Variants in CERKL observed in about 807,000 individuals in gnomAD.
CERKL encodes the protein ceramide kinase-like protein.
Under a neutral mutation model 63.4 loss-of-function variants are expected in CERKL, and 61 were observed. That is an observed-to-expected ratio of 0.96 (90% CI 0.78 to 1.19). The LOEUF is 1.19. CERKL is among the 50% of genes most tolerant of loss of function. The pLI is 0.00. For synonymous variants in CERKL, 250 were observed against 230.5 expected (o/e 1.08, Z -0.77); for missense variants, 675 against 655.5 (o/e 1.03, Z -0.33).
In CERKL at chr2:181,637,820, T is replaced by C. The variant is rs564107638; in HGVS notation, c.238+18949A>G. 2.0e-5 allele frequency among the ~76,000 whole-genome samples: 3 copies of C among 152,194 alleles called. No homozygotes were observed. In the South Asian group the frequency reaches 6.2e-4, roughly 32 times the overall value. On this transcript the variant is annotated intron_variant, in intron 1 of 12. Transcript: ENST00000410087. ...ACAATAATACAAAAAACAAATAAGT[T>C]GGGGGTATAACTTCACAGATATGAA...
At chr2:181,590,140 A>G (rs986937368) in intron 2 of CERKL, among the ~76,000 whole-genome samples, 3 of 151,172 alleles carry the variant, frequency 2.0e-5, no homozygotes, top group Admixed American at 6.6e-5. Context: ...TTTTGTTTAT[A>G]TATTTATTTA....
chr2:181,588,715 G>C (rs1192219761), intron 2 of CERKL, among the ~76,000 whole-genome samples: 1 of 152,036 alleles, frequency 6.6e-6, no homozygotes, highest in East Asian at 1.9e-4. Flanking sequence ...CTAACAGTGG[G>C]CTAGAGTTCC....
chr2:181,548,230 G>GA (rs202149024), intron 8 of CERKL: 8,998 of 485,402 alleles, frequency 0.019, 171 homozygotes, highest in Non-Finnish European at 0.022. Flanking sequence ...GCACTCAAAA[G>GA]AAAAGGGAAA....
intron 1 of CERKL, chr2:181,650,104 AGGG>A (rs1687849247): frequency 3.6e-4 from 21 of 58,864 alleles, no homozygotes; most frequent in African/African-American, 1.6e-3. Flanking sequence ...GGAGGGAGGG[AGGG>A]AGGGAGGAAG....
chr2:181,584,951 C>G (rs1394390680), intron 2 of CERKL, among the ~76,000 whole-genome samples: 1 of 151,688 alleles, frequency 6.6e-6, no homozygotes, highest in Admixed American at 6.6e-5. Context: ...TTGAACATGA[C>G]TTTCTTGCTC....
In CERKL at chr2:181,657,041, CG is replaced by C; in HGVS notation, c.-36del. ...GCAGGCTGGGCCCGAGCCAGGGGTC[CG>C]GGGAGGCCTTTGGAGAAGGAGGTGG... On this transcript the variant is annotated 5_prime_UTR_variant, in exon 1 of 13. Transcript: ENST00000410087. The C allele has an allele frequency of 6.5e-7, 1 of 1,543,836 alleles. No individual in the cohort carries two copies.
At chr2:181,591,098 G>A (rs955660131) in intron 2 of CERKL, among the ~76,000 whole-genome samples, 29 of 152,166 alleles carry the variant, frequency 1.9e-4, no homozygotes, top group Non-Finnish European at 1.9e-4. Flanking sequence ...TCTGTGACAC[G>A]ATATGGAGTG....
At chr2:181,641,320 T>C (rs201888027) in intron 1 of CERKL, among the ~76,000 whole-genome samples, 2 of 10,040 alleles carry the variant, frequency 2.0e-4, no homozygotes, top group African/African-American at 2.9e-4. Flanking sequence ...TATATATATA[T>C]ATATATATAT....
At chr2:181,538,983 T>A in intron 12 of CERKL, 109 bp downstream of exon 12, 1 of 854,878 alleles carries the variant, frequency 1.2e-6, no homozygotes, top group East Asian at 2.5e-5. Flanking sequence ...ACTGATTTTT[T>A]AAAAACTAAC....
rs562239011 is a variant in CERKL, at chr2:181,623,696, C to T, written c.239-19617G>A. ...AATAAGGGAGCATGCTGTGTAGGTACGGGTCTAGAATCTCTCATCTGCAAT... is the reference window on the plus strand; with the variant it reads ...AATAAGGGAGCATGCTGTGTAGGTATGGGTCTAGAATCTCTCATCTGCAAT... On this transcript the variant is annotated intron_variant, in intron 1 of 12. Transcript: ENST00000410087. Among the ~76,000 whole-genome samples the T allele has an allele frequency of 5.3e-5, 8 of 152,162 alleles. No homozygotes were observed. The East Asian group carries it at 7.7e-4, about 15-fold the overall frequency.
chr2:181,638,904 G>GA (rs1687299573), intron 1 of CERKL, among the ~76,000 whole-genome samples: 1 of 152,134 alleles, frequency 6.6e-6, no homozygotes, highest in Non-Finnish European at 1.5e-5. Flanking sequence ...GTATCAGAGT[G>GA]ATGGCCATCC....
At chr2:181,653,486 G>A (rs1574073373) in intron 1 of CERKL, among the ~76,000 whole-genome samples, 1 of 152,162 alleles carries the variant, frequency 6.6e-6, no homozygotes, top group East Asian at 1.9e-4. Flanking sequence ...ATTCACAATG[G>A]CCAAGATATG....
At chr2:181,579,296 A>G (rs1453300483) in intron 2 of CERKL, among the ~76,000 whole-genome samples, 4 of 151,982 alleles carry the variant, frequency 2.6e-5, no homozygotes, top group Non-Finnish European at 5.9e-5. Flanking sequence ...ATAAACATAA[A>G]CCCACAGTAT....
At position 181,558,316 on chromosome 2, in the gene CERKL, C is replaced by T. The variant is rs1402435749; in HGVS notation, c.820+250G>A. On this transcript the variant is annotated intron_variant, in intron 5 of 12. Transcript: ENST00000410087. This position sits in a 1 kb window ranked among gnomAD's most constrained non-coding sequence, Gnocchi z 4.2. ...ATATTAAACCCTTTACTAAACCAAA[C>T]GTTAGTACTACAATAACCTTGTAAT... Among the ~76,000 whole-genome samples, 4 of 152,012 alleles carry T rather than the reference C, an allele frequency of 2.6e-5. No homozygotes were observed. The highest frequency in any genetic ancestry group is 4.4e-5 in the Non-Finnish European group (3 of 68,006).
intron 1 of CERKL, among the ~76,000 whole-genome samples, chr2:181,609,808 A>C (rs1355666689): frequency 1.3e-5 from 2 of 152,188 alleles, no homozygotes; most frequent in East Asian, 3.8e-4. Context: ...AGAAATGAAT[A>C]GATCAGGAAA....
intron 2 of CERKL, among the ~76,000 whole-genome samples, chr2:181,590,646 T>C (rs1684954167): frequency 6.6e-6 from 1 of 152,090 alleles, no homozygotes; most frequent in African/African-American, 2.4e-5. Flanking sequence ...TCACAAGATA[T>C]TAAGAATAGC....
chr2:181,578,589 T>C (rs1684361699), intron 2 of CERKL, among the ~76,000 whole-genome samples: 1 of 151,994 alleles, frequency 6.6e-6, no homozygotes, highest in Non-Finnish European at 1.5e-5. Context: ...TGAACCACCA[T>C]GTTTGTCCTT....
chr2:181,581,165 T>C (rs564480076), intron 2 of CERKL, among the ~76,000 whole-genome samples: 1 of 152,334 alleles, frequency 6.6e-6, no homozygotes, highest in East Asian at 1.9e-4. Context: ...GTTTCAGTTA[T>C]ACAGTTCAGT....
chr2:181,545,811 TA>T (rs1687703420), intron 10 of CERKL, among the ~76,000 whole-genome samples: 2 of 152,148 alleles, frequency 1.3e-5, no homozygotes, highest in South Asian at 2.1e-4. Flanking sequence ...TTATAAACAT[TA>T]AAAGCACTAT....
Sources: allele counts gnomAD v4.1 joint callset (sites outside exome capture counted in the v4.1 genomes callset), GRCh38; gene constraint gnomAD v4.1.1; non-coding constraint Gnocchi (gnomAD v3.1); transcripts MANE v1.5; gene names NCBI Gene and HGNC (gene_info 2026-07-23, HGNC 2026-07-21).